PCCA: variants seen among roughly 807,000 people sequenced by gnomAD.
PCCA encodes the protein propionyl-CoA carboxylase alpha chain, mitochondrial.
Under a neutral mutation model 101.3 loss-of-function variants are expected in PCCA, and 74 were observed. The observed-to-expected ratio is 0.73, with a 90% confidence interval of 0.61 to 0.89. The LOEUF is 0.89. Ranked by LOEUF, PCCA falls within the 40% of genes least tolerant of loss-of-function variation. The pLI is 0.00. For synonymous variants in PCCA, 294 were observed against 313.6 expected (o/e 0.94, Z 0.66); for missense variants, 891 against 907.0 (o/e 0.98, Z 0.23).
chr13:100,319,151 TC>T (rs1476534927), intron 16 of PCCA, among the ~76,000 whole-genome samples: 3 of 152,244 alleles, frequency 2.0e-5, no homozygotes, highest in African/African-American at 7.2e-5. Flanking sequence ...AAGTGTCTGT[TC>T]ATGTCCTTCG....
intron 18 of PCCA, among the ~76,000 whole-genome samples, chr13:100,345,872 T>G (rs1376659805): frequency 6.6e-6 from 1 of 152,104 alleles, no homozygotes; most frequent in Non-Finnish European, 1.5e-5. Context: ...ATACTAAATC[T>G]ATTCTCCCTG....
chr13:100,347,937 G>A (rs916063403), intron 18 of PCCA, among the ~76,000 whole-genome samples: 1 of 150,326 alleles, frequency 6.7e-6, no homozygotes, highest in Non-Finnish European at 1.5e-5. Context: ...TAAATATAGT[G>A]TTCTTCTTCA....
intron 7 of PCCA, among the ~76,000 whole-genome samples, chr13:100,221,587 T>G (rs372971603): frequency 6.6e-6 from 1 of 152,162 alleles, no homozygotes. Context: ...CATTAGATGA[T>G]TTGTAACATC....
At chr13:100,408,308 AGCTT>A (rs1413397489) in intron 19 of PCCA, among the ~76,000 whole-genome samples, 7 of 152,228 alleles carry the variant, frequency 4.6e-5, no homozygotes. Context: ...CTCAAAAAGC[AGCTT>A]GTAACCTCAA....
intron 18 of PCCA, among the ~76,000 whole-genome samples, chr13:100,367,167 A>G (rs2075238189): frequency 1.3e-5 from 2 of 152,232 alleles, no homozygotes; most frequent in South Asian, 4.1e-4. Flanking sequence ...GAAATCATTA[A>G]ATTTTGTTAC....
At chr13:100,348,824 CT>C (rs1176204252) in intron 18 of PCCA, among the ~76,000 whole-genome samples, 1 of 133,536 alleles carries the variant, frequency 7.5e-6, no homozygotes, top group Admixed American at 8.0e-5. Flanking sequence ...TCCTTTCTTT[CT>C]TTTCTCTCTC....
At chr13:100,297,957 T>C (rs1290453482) in intron 12 of PCCA, among the ~76,000 whole-genome samples, 1 of 152,046 alleles carries the variant, frequency 6.6e-6, no homozygotes, top group Non-Finnish European at 1.5e-5. Context: ...GGCTTACTCC[T>C]TTTTTGTGAG....
chr13:100,341,957 G>GCATATATATATATATATATATATA (rs2071382392), intron 18 of PCCA, among the ~76,000 whole-genome samples: 1 of 107,172 alleles, frequency 9.3e-6, no homozygotes, highest in African/African-American at 4.3e-5. Context: ...ACCCTTCAAA[G>GCATATATATATATATATATATATA]TATATATATA....
At chr13:100,224,301 T>C (rs2060010159) in intron 7 of PCCA, among the ~76,000 whole-genome samples, 1 of 152,190 alleles carries the variant, frequency 6.6e-6, no homozygotes, top group Non-Finnish European at 1.5e-5. Flanking sequence ...GGGTGCTAAG[T>C]CCCTCATTGC....
At chr13:100,258,341 A>T (rs1198882769) in intron 9 of PCCA, among the ~76,000 whole-genome samples, 1 of 152,190 alleles carries the variant, frequency 6.6e-6, no homozygotes, top group Non-Finnish European at 1.5e-5. Flanking sequence ...AGATTCTTAG[A>T]AGAGCACGTG....
chr13:100,422,065 T>TTTC (rs1567108803), intron 19 of PCCA, among the ~76,000 whole-genome samples: 3,059 of 59,380 alleles, frequency 0.052, 57 homozygotes, highest in South Asian at 0.069. Context: ...TTCTCTTCTC[T>TTTC]TTTCTTTTCT....
chr13:100,386,237 T>C (rs991803517), intron 19 of PCCA, among the ~76,000 whole-genome samples: 1 of 152,240 alleles, frequency 6.6e-6, no homozygotes, highest in African/African-American at 2.4e-5. Context: ...TAAGGAAGAA[T>C]GTCTAAAAGT....
intron 21 of PCCA, among the ~76,000 whole-genome samples, chr13:100,505,024 G>T (rs1056325635): frequency 6.6e-6 from 1 of 152,168 alleles, no homozygotes; most frequent in South Asian, 2.1e-4. Context: ...ATGGAAAGTC[G>T]ACCTTTCCCA....
At chr13:100,298,544 TTTTG>T (rs1328594492) in intron 12 of PCCA, among the ~76,000 whole-genome samples, 1 of 151,686 alleles carries the variant, frequency 6.6e-6, no homozygotes, top group African/African-American at 2.4e-5. Flanking sequence ...TTTTTGACTT[TTTTG>T]TTTTTTTATT....
intron 12 of PCCA, among the ~76,000 whole-genome samples, chr13:100,285,957 C>T (rs140808464): frequency 1.8e-4 from 27 of 152,278 alleles, no homozygotes; most frequent in African/African-American, 6.5e-4. Flanking sequence ...GTGCATCACC[C>T]TCTCACCCTC....
chr13:100,339,152 T>C (rs936435566), intron 17 of PCCA, among the ~76,000 whole-genome samples: 3 of 152,174 alleles, frequency 2.0e-5, no homozygotes, highest in Non-Finnish European at 2.9e-5. Flanking sequence ...TTACTTATAA[T>C]GCGTAGTACA....
intron 19 of PCCA, among the ~76,000 whole-genome samples, chr13:100,407,451 AG>A (rs776401800): frequency 2.0e-4 from 31 of 152,252 alleles, no homozygotes; most frequent in Non-Finnish European, 3.1e-4. Flanking sequence ...ATTTTGCCAA[AG>A]TAATGACTCA....
At chr13:100,430,876 T>C (rs1216107010) in intron 20 of PCCA, among the ~76,000 whole-genome samples, 3 of 152,168 alleles carry the variant, frequency 2.0e-5, no homozygotes, top group African/African-American at 7.2e-5. Context: ...GAACTAACCT[T>C]ATTCTGTACT....
At chr13:100,512,806 C>G (rs543242427) in intron 21 of PCCA, among the ~76,000 whole-genome samples, 1 of 152,344 alleles carries the variant, frequency 6.6e-6, no homozygotes, top group South Asian at 2.1e-4. Context: ...AATCAAAACT[C>G]TCTAAGGGAG....
Sources: gnomAD v4.1 joint callset for allele counts (sites outside exome capture counted in the v4.1 genomes callset) on GRCh38, gnomAD v4.1.1 for gene constraint, MANE v1.5 for transcripts, NCBI Gene and HGNC (gene_info 2026-07-23, HGNC 2026-07-21) for gene names.